KCNJ1: variants seen among roughly 807,000 people sequenced by gnomAD.
KCNJ1 encodes ATP-sensitive inward rectifier potassium channel 1.
KCNJ1 carries 24 observed loss-of-function variants against 21.9 expected under a neutral mutation model. That is an observed-to-expected ratio of 1.10 (90% CI 0.79 to 1.54). The LOEUF is 1.54. Ranked by LOEUF, KCNJ1 falls within the 40% of genes most tolerant of loss-of-function variation. The probability of loss-of-function intolerance (pLI) is 0.00; values close to 1 mark genes in which losing one functional copy is unlikely to be tolerated. For missense variants in KCNJ1, 457 were observed against 455.4 expected (o/e 1.00, Z -0.03); for synonymous variants, 152 against 160.9 (o/e 0.94, Z 0.42).
Position 128,839,612 on chromosome 11 carries a change from A to G in KCNJ1, c.632T>C (p.Leu211Pro), listed in dbSNP as rs1307619916. 6.2e-7 allele frequency: 1 copy of G among 1,613,934 alleles called. No individual in the cohort carries two copies. Among genetic ancestry groups the G allele is most frequent in the Non-Finnish European group, 8.5e-7 (1 of 1,180,030 alleles). ...LLIGSHIYGK[L>P]LKTTVTPEGE... ...TTCAGGAGTGACTGTGGTCTTCAGA[A>G]GCTTTCCATAAATGTGACTGCCAAT... The change falls in exon 3 of 3, where the codon CTT becomes CCT. Residue 211 changes from leucine to proline, a missense_variant. Leu to Pro is a moderately conservative substitution (Grantham distance 98, BLOSUM62 -3). Transcript: ENST00000392666.
intron 1 of KCNJ1, among the ~76,000 whole-genome samples, chr11:128,851,436 T>C (rs974486303): frequency 6.6e-6 from 1 of 152,242 alleles, no homozygotes; most frequent in African/African-American, 2.4e-5. Flanking sequence ...GTTTATCCTG[T>C]GTGTGTGTTG....
chr11:128,865,373 G>A (rs906315276), intron 1 of KCNJ1, among the ~76,000 whole-genome samples: 1 of 152,086 alleles, frequency 6.6e-6, no homozygotes, highest in African/African-American at 2.4e-5. Context: ...GCCCTCTAGA[G>A]CAAAGCATTT....
At chr11:128,865,535 G>C (rs1003561302) in intron 1 of KCNJ1, among the ~76,000 whole-genome samples, 16 of 152,130 alleles carry the variant, frequency 1.1e-4, no homozygotes, top group Admixed American at 3.3e-4. Context: ...AAAGACAATA[G>C]TCATCACTGG....
chr11:128,840,189 G>A lies in KCNJ1; in HGVS notation c.55C>T (p.Gln19Ter). The change falls in exon 3 of 3, where the codon CAA becomes TAA. Residue 19 changes from glutamine (Q) to a stop codon, truncating the protein, a stop_gained. Coordinates refer to ENST00000392666, the MANE Select transcript of KCNJ1 (RefSeq NM_153766.3). LOFTEE classifies it high-confidence loss of function. ...TCTTTGGAGACTAGCCTTGCTCTTT[G>A]CCGAGAATGCCCAAAAAAGCGAGTG... ...VVTRFFGHSRQRARLVSKDGR... is the reference protein window; with the variant it reads ...VVTRFFGHSR 6.2e-7 allele frequency: 1 copy of A among 1,614,106 alleles called. No homozygotes were observed. The highest frequency in any genetic ancestry group is 8.5e-7 in the Non-Finnish European group (1 of 1,180,002).
At position 128,839,310 on chromosome 11, in the gene KCNJ1, T is replaced by C. The variant is rs1354272633; in HGVS notation, c.934A>G (p.Lys312Glu). 1.9e-6 allele frequency: 3 copies of C among 1,614,190 alleles called. No individual in the cohort carries two copies. Among genetic ancestry groups the C allele is most frequent in the South Asian group, 2.2e-5 (2 of 91,078 alleles). The stretch of plus-strand genomic sequence containing the variant: ...ACTCGGTATTTCCCTTCCTTTGTCT[T>C]GGATACTATGGGAGCAAAACGGTAG... ...WGYRFAPIVS[K>E]TKEGKYRVDF... Residue 312 changes from lysine to glutamate, a missense_variant, in exon 3 of 3, where the codon AAG becomes GAG. Physicochemically the swap from Lys to Glu is moderately conservative, Grantham distance 56. Coordinates refer to ENST00000392666, the MANE Select transcript of KCNJ1 (RefSeq NM_153766.3).
In KCNJ1 at chr11:128,852,686, C is replaced by T. The variant is rs149262950; in HGVS notation, c.-191-1796G>A. On this transcript the variant is annotated intron_variant, in intron 1 of 2. Coordinates refer to ENST00000392666, the MANE Select transcript of KCNJ1 (RefSeq NM_153766.3). ...GCTCTTCTTGCTGGCATTTAGCATG[C>T]CCCCATCCTCATTACCGGGCACAGC... 9.3e-3 allele frequency among the ~76,000 whole-genome samples: 1,417 copies of T among 152,364 alleles called. 25 individuals are homozygous for T. Among genetic ancestry groups the T allele is most frequent in the African/African-American group, 0.028 (1,154 of 41,586 alleles).
chr11:128,855,139 C>T (rs1943563306), intron 1 of KCNJ1, among the ~76,000 whole-genome samples: 2 of 152,158 alleles, frequency 1.3e-5, no homozygotes, highest in African/African-American at 4.8e-5. Context: ...GCAGTAAAAA[C>T]CCTGGAGCTC....
chr11:128,838,049 A>C lies in KCNJ1; in HGVS notation c.*1076T>G, dbSNP rs144463817. On this transcript the variant is annotated 3_prime_UTR_variant, in exon 3 of 3. Transcript: ENST00000392666. ...GTTTCAGAAATTTACTATATTAATC[A>C]ACACACTGAAAACATTTTGATTCCT... 1 of 152,660 alleles carries C rather than the reference A, an allele frequency of 6.6e-6. No homozygotes were observed. The highest frequency in any genetic ancestry group is 1.9e-4 in the East Asian group (1 of 5,192). 9.5% of individuals were successfully genotyped at this position (152,660 alleles called of 1,614,324 possible). A position where few individuals can be genotyped will look rare whatever the true frequency, so the allele number is the denominator to read the frequency against.
rs75594566 is a variant in KCNJ1, at chr11:128,842,237, T to C, written c.-21-1973A>G. 1,665 of 1,007,010 alleles carry C rather than the reference T, an allele frequency of 1.7e-3. 12 individuals are homozygous for C. In the African/African-American group the frequency reaches 0.022, roughly 13 times the overall value. The allele number at this position is 1,007,010 out of a possible 1,614,324, so 62.4% of individuals were successfully genotyped here. ...TAGCCTCCCTTAATTTCATTTTACT[T>C]TTAAAGGTAAAGAAGATTTCTGTAG... On this transcript the variant is annotated intron_variant, in intron 2 of 2. Coordinates refer to ENST00000392666, the MANE Select transcript of KCNJ1 (RefSeq NM_153766.3).
chr11:128,839,923 A>G lies in KCNJ1; in HGVS notation c.321T>C (p.Asn107=), dbSNP rs896038376. 5 of 1,614,106 alleles carry G rather than the reference A, an allele frequency of 3.1e-6. No homozygotes were observed. The highest frequency in any genetic ancestry group is 1.3e-5 in the African/African-American group (1 of 74,940). ...ANHTPCVENI[N]GLTSAFLFSL... is the part of the protein sequence containing the mutation. ...AAAACAGAAAAGCTGAGGTCAAGCC[A>G]TTAATATTCTCCACACAGGGAGTGT... Residue 107 remains asparagine, a synonymous_variant, in exon 3 of 3, where the codon AAT becomes AAC. Coordinates refer to ENST00000392666, the MANE Select transcript of KCNJ1 (RefSeq NM_153766.3).
chr11:128,866,680 C>T (rs1263092343), intron 1 of KCNJ1: 1 of 203,466 alleles, frequency 4.9e-6, no homozygotes, highest in Non-Finnish European at 8.7e-6. Flanking sequence ...GAAAGAAAGA[C>T]ATTTGGGTGA....
rs1351708338 is a variant in KCNJ1 at position 128,840,179 on chromosome 11, C to T, written c.65G>A (p.Arg22Lys). ...RFFGHSRQRA[R>K]LVSKDGRCNI... The stretch of plus-strand genomic sequence containing the variant: ...GCACCTTCCATCTTTGGAGACTAGC[C>T]TTGCTCTTTGCCGAGAATGCCCAAA... Residue 22 changes from arginine to lysine, a missense_variant, in exon 3 of 3, where the codon AGG becomes AAG. Physicochemically the swap from Arg to Lys is conservative, Grantham distance 26. Coordinates refer to ENST00000392666, the MANE Select transcript of KCNJ1 (RefSeq NM_153766.3). The T allele has an allele frequency of 5.0e-6, 8 of 1,614,070 alleles. No individual in the cohort carries two copies. Among genetic ancestry groups the T allele is most frequent in the Non-Finnish European group, 5.9e-6 (7 of 1,180,044 alleles).
rs1943214804 is a variant in KCNJ1 at position 128,838,924 on chromosome 11, G to T, written c.*201C>A. 3.3e-6 allele frequency: 2 copies of T among 600,252 alleles called. No homozygotes were observed. Among genetic ancestry groups the T allele is most frequent in the South Asian group, 2.0e-5 (1 of 49,842 alleles). 37.2% of individuals were successfully genotyped at this position (600,252 alleles called of 1,614,324 possible). ...TTCCATACACCAGTTTCATATAAAT[G>T]CATTGCACGTTCTAATACAGTAGCC... On this transcript the variant is annotated 3_prime_UTR_variant, in exon 3 of 3. Transcript: ENST00000392666.
At chr11:128,863,951 T>G (rs1943764442) in intron 1 of KCNJ1, among the ~76,000 whole-genome samples, 1 of 152,160 alleles carries the variant, frequency 6.6e-6, no homozygotes, top group Non-Finnish European at 1.5e-5. Context: ...CTTCACAATC[T>G]TCTGCAAGGA....
chr11:128,848,510 T>C (rs1162874768), intron 2 of KCNJ1, among the ~76,000 whole-genome samples: 1 of 152,152 alleles, frequency 6.6e-6, no homozygotes, highest in Non-Finnish European at 1.5e-5. Flanking sequence ...TCCAATATTG[T>C]TTCCTGTTGT....
chr11:128,863,229 A>G (rs1364634090), intron 1 of KCNJ1, among the ~76,000 whole-genome samples: 1 of 152,234 alleles, frequency 6.6e-6, no homozygotes, highest in Non-Finnish European at 1.5e-5. Flanking sequence ...CCCAATAAAT[A>G]CAATTCCTGA....
chr11:128,843,308 G>A (rs561057188), intron 2 of KCNJ1, among the ~76,000 whole-genome samples: 80 of 152,120 alleles, frequency 5.3e-4, no homozygotes, highest in Non-Finnish European at 3.8e-4. Flanking sequence ...CCTGGTGTCT[G>A]GGTTATATAA....
At chr11:128,848,995 G>A (rs1274081519) in intron 2 of KCNJ1, among the ~76,000 whole-genome samples, 2 of 152,228 alleles carry the variant, frequency 1.3e-5, no homozygotes, top group East Asian at 3.8e-4. Context: ...CGCTGCGGCA[G>A]TCTCAGTGAA....
intron 2 of KCNJ1, among the ~76,000 whole-genome samples, chr11:128,840,733 A>G (rs1186651243): frequency 6.6e-6 from 1 of 152,236 alleles, no homozygotes; most frequent in Non-Finnish European, 1.5e-5. Context: ...ATAACTGACC[A>G]ATAAAACACT....
Sources: allele counts gnomAD v4.1 joint callset (sites outside exome capture counted in the v4.1 genomes callset), GRCh38; gene constraint gnomAD v4.1.1; transcripts MANE v1.5; gene names NCBI Gene and HGNC (gene_info 2026-07-23, HGNC 2026-07-21).